Variants in SACS observed in about 807,000 individuals in gnomAD.
SACS encodes sacsin.
Under a neutral mutation model 348.0 loss-of-function variants are expected in SACS, and 197 were observed. The ratio of observed to expected loss-of-function variants is 0.57; its 90% CI spans 0.50 to 0.64. The LOEUF is 0.64. SACS is among the 30% of genes least tolerant of loss of function. SACS has a pLI of 0.00. For synonymous variants in SACS, 1,985 were observed against 1,910.6 expected (o/e 1.04, Z -1.02); for missense variants, 4,999 against 5,360.8 (o/e 0.93, Z 2.11).
rs1871699581 is a variant in SACS at position 23,375,383 on chromosome 13, T to C, written c.21-114A>G. ...CACATCGCGGCGCGGCAGGCGCCCC[T>C]AGCGCCCGCCCCTGACGCCGGCGCC... On this transcript the variant is annotated intron_variant, in intron 2 of 9. Coordinates refer to ENST00000382292, the MANE Select transcript of SACS (RefSeq NM_014363.6). The C allele has an allele frequency of 2.4e-6, 3 of 1,246,736 alleles. No homozygotes were observed. The South Asian group carries it at 1.0e-4, about 42-fold the overall frequency. 77.2% of individuals were successfully genotyped at this position (1,246,736 alleles called of 1,614,324 possible).
chr13:23,355,784 G>C lies in SACS; in HGVS notation c.828C>G (p.Arg276=). The C allele has an allele frequency of 1.2e-6, 2 of 1,614,190 alleles. No homozygotes were observed. Among genetic ancestry groups the C allele is most frequent in the Non-Finnish European group, 1.7e-6 (2 of 1,180,038 alleles). ...FPGTFFRFPL[R]LQPSQLSSNL... ...TACTACTAAGTTGTGAAGGTTGTAG[G>C]CGAAGAGGGAAACGGAAAAATGTTC... Residue 276 remains arginine, a synonymous_variant, in exon 8 of 10, where the codon CGC becomes CGG. Transcript: ENST00000382292.
At chr13:23,361,987 G>A (rs774414867) in intron 6 of SACS, among the ~76,000 whole-genome samples, 2 of 152,168 alleles carry the variant, frequency 1.3e-5, no homozygotes, top group Non-Finnish European at 2.9e-5. Context: ...TGTTTACTAG[G>A]AAGAGTCCTT....
intron 9 of SACS, among the ~76,000 whole-genome samples, chr13:23,351,475 A>G (rs1344011114): frequency 6.6e-6 from 1 of 152,082 alleles, no homozygotes; most frequent in African/African-American, 2.4e-5. Context: ...AAGTCTCAAG[A>G]GCTGATAGTT....
rs142086625 is a variant in SACS at position 23,407,645 on chromosome 13, A to G, written c.20+3575T>C. Among the ~76,000 whole-genome samples the G allele has an allele frequency of 1.1e-3, 164 of 152,364 alleles. 1 individual carries two copies. The highest frequency in any genetic ancestry group is 3.6e-3 in the African/African-American group (151 of 41,586). On this transcript the variant is annotated intron_variant, in intron 2 of 9. Transcript: ENST00000382292. Reference sequence around the variant, plus strand: ...AGAAATGGACTTAGATGGTTCAGACAGAAGAATGTCTGTTCTTTCATGAAC... The same window carrying G: ...AGAAATGGACTTAGATGGTTCAGACGGAAGAATGTCTGTTCTTTCATGAAC...
rs373613604 is a variant in SACS at position 23,341,091 on chromosome 13, G to A, written c.2785C>T (p.Arg929Cys). The change falls in exon 10 of 10, where the codon CGC (arginine) becomes TGC (cysteine). Residue 929 changes from arginine (R) to cysteine (C), a missense_variant. This residue lies in a region of SACS where 3,156 missense variants were observed against 3,380.1 expected (regional missense o/e 0.93). Coordinates refer to ENST00000382292, the MANE Select transcript of SACS (RefSeq NM_014363.6). ...RIIQELAIFK[R>C]INHSSDQGIS... ...CCCTGATCAGAAGAATGGTTAATGC[G>A]CTTGAATATTGCCAATTCTTGAATA... 15 of 1,613,824 alleles carry A rather than the reference G, an allele frequency of 9.3e-6. No homozygotes were observed. Among genetic ancestry groups the A allele is most frequent in the Non-Finnish European group, 1.3e-5 (15 of 1,179,976 alleles).
intron 2 of SACS, among the ~76,000 whole-genome samples, chr13:23,399,557 G>A (rs1872866207): frequency 6.6e-6 from 1 of 151,964 alleles, no homozygotes; most frequent in African/African-American, 2.4e-5. Context: ...TAGCCAATTG[G>A]GTCAGTTTAG....
chr13:23,347,011 G>A (rs1869649687), intron 9 of SACS, among the ~76,000 whole-genome samples: 1 of 152,150 alleles, frequency 6.6e-6, no homozygotes, highest in Admixed American at 6.5e-5. Context: ...ACACATCTAA[G>A]ATTTAAAGCT....
At position 23,334,644 on chromosome 13, in the gene SACS, T is replaced by G. The variant is rs755698899; in HGVS notation, c.9232A>C (p.Asn3078His). 1.2e-6 allele frequency: 2 copies of G among 1,613,594 alleles called. No individual in the cohort carries two copies. The highest frequency in any genetic ancestry group is 1.7e-6 in the Non-Finnish European group (2 of 1,179,700). ...NLVYNCDETA[N>H]LYHCLIDADI... ...GCATCTATAAGACAGTGGTAAAGAT[T>G]AGCAGTTTCATCACAGTTATAAACC... The change falls in exon 10 of 10, where the codon AAT becomes CAT. Residue 3078 changes from asparagine to histidine, a missense_variant. Transcript: ENST00000382292.
rs903463621 is a variant in SACS at position 23,331,104 on chromosome 13, C to G, written c.12772G>C (p.Ala4258Pro). The change falls in exon 10 of 10, where the codon GCT (alanine) becomes CCT (proline). Residue 4258 changes from alanine to proline, a missense_variant. Ala to Pro is a conservative substitution (Grantham distance 27, BLOSUM62 -1). Around this residue, in one of 6 missense-constraint regions of SACS, gnomAD observed 831 missense variants for 941.8 expected, o/e 0.88. Coordinates refer to ENST00000382292, the MANE Select transcript of SACS (RefSeq NM_014363.6). ...PEESSQSRDS[A>P]PSTPTSPTEF... ...GTGGGGCTGGTTGGTGTAGAAGGAG[C>G]ACTGTCCCTGCTTTGAGAGCTTTCC... The G allele has an allele frequency of 1.9e-6, 3 of 1,614,056 alleles. No homozygotes were observed. In the African/African-American group the frequency reaches 4.0e-5, roughly 22 times the overall value.
intron 1 of SACS, among the ~76,000 whole-genome samples, chr13:23,430,799 G>GA (rs1191640949): frequency 2.0e-5 from 3 of 152,194 alleles, no homozygotes; most frequent in African/African-American, 7.2e-5. Context: ...ATCTCGAGCA[G>GA]AATATTTAAA....
chr13:23,395,906 T>C (rs1206075567), intron 2 of SACS, among the ~76,000 whole-genome samples: 1 of 152,238 alleles, frequency 6.6e-6, no homozygotes, highest in Non-Finnish European at 1.5e-5. Context: ...TGTAACTTTA[T>C]ATACGTATGC....
rs1272148955 is a variant in SACS at position 23,339,000 on chromosome 13, C to CAA, written c.4874_4875dup (p.Gly1626LeufsTer7). 6.2e-7 allele frequency: 1 copy of CAA among 1,613,760 alleles called. No individual in the cohort carries two copies. Among genetic ancestry groups the CAA allele is most frequent in the East Asian group, 2.2e-5 (1 of 44,866 alleles). On this transcript the variant is annotated frameshift_variant, in exon 10 of 10. Coordinates refer to ENST00000382292, the MANE Select transcript of SACS (RefSeq NM_014363.6). LOFTEE classifies it high-confidence loss of function. ...TCTACAGTCAAAGGTAACTGACAGC[C>CAA]AAATACATCTATAAATGGTTTGAAC... is the stretch of plus-strand genomic sequence containing the variant.
intron 9 of SACS, among the ~76,000 whole-genome samples, chr13:23,341,977 C>T (rs1211240003): frequency 4.0e-5 from 6 of 151,842 alleles, no homozygotes; most frequent in East Asian, 1.9e-4. Flanking sequence ...TTAGTAGAGA[C>T]GGGGTTTCAC....
At chr13:23,396,259 G>A (rs1489804296) in intron 2 of SACS, among the ~76,000 whole-genome samples, 2 of 151,470 alleles carry the variant, frequency 1.3e-5, no homozygotes, top group Admixed American at 6.6e-5. Flanking sequence ...AGGAGGCAGA[G>A]GTTGCAGTGA....
chr13:23,425,031 C>T (rs1874112279), intron 1 of SACS, among the ~76,000 whole-genome samples: 1 of 152,126 alleles, frequency 6.6e-6, no homozygotes, highest in Middle Eastern at 3.2e-3. Context: ...GGGGCCTGGG[C>T]GTGAGCCTGG....
Position 23,354,645 on chromosome 13 carries a change from G to A in SACS, c.1967C>T (p.Ser656Phe). The A allele has an allele frequency of 6.2e-7, 1 of 1,614,206 alleles. No homozygotes were observed. The highest frequency in any genetic ancestry group is 8.5e-7 in the Non-Finnish European group (1 of 1,180,040). The change falls in exon 8 of 10, where the codon TCT becomes TTT. Residue 656 changes from serine to phenylalanine, a missense_variant. Physicochemically the swap from Ser to Phe is radical, Grantham distance 155. Transcript: ENST00000382292. ...AAGCAGCTCACTGTAGGCTTGGTCA[G>A]AAAGCACAAATTCTAGAAGGTGAAG... is the stretch of plus-strand genomic sequence containing the variant. Reference protein sequence around the residue: ...EKLHLLEFVLSDQAYSELLGL... With the variant: ...EKLHLLEFVLFDQAYSELLGL...
At chr13:23,426,070 C>G (rs1247703874) in intron 1 of SACS, among the ~76,000 whole-genome samples, 1 of 152,070 alleles carries the variant, frequency 6.6e-6, no homozygotes, top group Non-Finnish European at 1.5e-5. Flanking sequence ...AAACTGGTGT[C>G]CAGAAGAGTC....
chr13:23,391,317 C>T (rs947346343), intron 2 of SACS, among the ~76,000 whole-genome samples: 2 of 152,198 alleles, frequency 1.3e-5, no homozygotes, highest in Non-Finnish European at 2.9e-5. Flanking sequence ...CCACAGACTC[C>T]AAATGTCTTC....
chr13:23,384,213 C>T (rs1047281175), intron 2 of SACS, among the ~76,000 whole-genome samples: 1 of 152,204 alleles, frequency 6.6e-6, no homozygotes. Context: ...TTTCTCTAGC[C>T]AAGCCCGTGC....
Sources: gnomAD v4.1 joint callset for allele counts (sites outside exome capture counted in the v4.1 genomes callset) on GRCh38, gnomAD v4.1.1 for gene constraint, gnomAD v4.1.1 regional missense constraint, MANE v1.5 for transcripts, NCBI Gene and HGNC (gene_info 2026-07-23, HGNC 2026-07-21) for gene names.